Variants in TMEM123 observed in about 807,000 individuals in gnomAD.
TMEM123 encodes transmembrane protein 123.
TMEM123 carries 16 observed loss-of-function variants against 19.7 expected under a neutral mutation model. The ratio of observed to expected loss-of-function variants is 0.81; its 90% CI spans 0.55 to 1.23. The LOEUF is 1.23. TMEM123 is among the 50% of genes most tolerant of loss of function. TMEM123 has a pLI of 0.00. For synonymous variants in TMEM123, 118 were observed against 99.4 expected (o/e 1.19, Z -1.12); for missense variants, 313 against 257.8 (o/e 1.21, Z -1.47).
chr11:102,447,108 T>G (rs1401723243), intron 2 of TMEM123, among the ~76,000 whole-genome samples: 1 of 152,224 alleles, frequency 6.6e-6, no homozygotes, highest in African/African-American at 2.4e-5. Flanking sequence ...AAAAACATTT[T>G]TAATAGTTGT....
intron 2 of TMEM123, among the ~76,000 whole-genome samples, chr11:102,411,819 A>G (rs1028931829): frequency 8.5e-5 from 13 of 152,218 alleles, no homozygotes; most frequent in African/African-American, 2.9e-4. Flanking sequence ...TCATTCTATC[A>G]AAGTGTCAGA....
At chr11:102,452,305 G>T in intron 1 of TMEM123, 1 of 399,506 alleles carries the variant, frequency 2.5e-6, no homozygotes, top group Non-Finnish European at 4.4e-6. Flanking sequence ...AGCGAGAGGG[G>T]AAGCACCAGG....
At chr11:102,425,021 T>C (rs893249783) in intron 2 of TMEM123, among the ~76,000 whole-genome samples, 1 of 152,198 alleles carries the variant, frequency 6.6e-6, no homozygotes, top group Non-Finnish European at 1.5e-5. Context: ...GAAGCAAGAA[T>C]GAAGAATATC....
chr11:102,439,029 G>C (rs534038915), intron 2 of TMEM123, among the ~76,000 whole-genome samples: 98 of 152,324 alleles, frequency 6.4e-4, no homozygotes, highest in Middle Eastern at 6.8e-3. Flanking sequence ...AGGCCGCAGC[G>C]AGGCTGGGGG....
intron 2 of TMEM123, among the ~76,000 whole-genome samples, chr11:102,430,290 G>A (rs1457557045): frequency 2.0e-5 from 3 of 152,192 alleles, no homozygotes; most frequent in East Asian, 1.9e-4. Context: ...CATAGCATTC[G>A]CATATCCTTT....
At chr11:102,434,492 C>T (rs1486856942) in intron 2 of TMEM123, among the ~76,000 whole-genome samples, 3 of 151,770 alleles carry the variant, frequency 2.0e-5, no homozygotes, top group Admixed American at 1.3e-4. Flanking sequence ...TTAATACTAA[C>T]CCTTTAACAA....
At chr11:102,432,373 C>A (rs753401382) in intron 2 of TMEM123, among the ~76,000 whole-genome samples, 27 of 152,092 alleles carry the variant, frequency 1.8e-4, no homozygotes, top group Non-Finnish European at 2.9e-4. Flanking sequence ...ATTTGAGGAA[C>A]CTGTTGAGAA....
Position 102,401,682 on chromosome 11 carries a change from AGTT to A in TMEM123, c.456_458del (p.Thr153del), listed in dbSNP as rs1471429265. The A allele has an allele frequency of 3.1e-6, 5 of 1,590,344 alleles. No homozygotes were observed. The African/African-American group carries it at 4.1e-5, about 13-fold the overall frequency. ...ATCCTTTCTTTGCTTCAGAATGCAT[AGTT>A]GTTGTGACTAGAACAAAAGAAAACA... On this transcript the variant is annotated inframe_deletion, in exon 4 of 5. Transcript: ENST00000398136.
intron 2 of TMEM123, among the ~76,000 whole-genome samples, chr11:102,431,898 C>G (rs1252344788): frequency 6.6e-6 from 1 of 152,170 alleles, no homozygotes; most frequent in Non-Finnish European, 1.5e-5. Flanking sequence ...TTTTAAGCGT[C>G]TGGCATCTCC....
intron 2 of TMEM123, among the ~76,000 whole-genome samples, chr11:102,438,099 G>A (rs1013647034): frequency 6.6e-6 from 1 of 152,138 alleles, no homozygotes; most frequent in Non-Finnish European, 1.5e-5. Context: ...TGTCACCCAG[G>A]CTGGAGTGCA....
At chr11:102,409,231 C>T (rs1285600656) in intron 2 of TMEM123, among the ~76,000 whole-genome samples, 1 of 152,114 alleles carries the variant, frequency 6.6e-6, no homozygotes, top group East Asian at 1.9e-4. Context: ...CTATTCAAGA[C>T]ATAAACCATA....
At chr11:102,441,742 A>G (rs537754755) in intron 2 of TMEM123, among the ~76,000 whole-genome samples, 5 of 152,248 alleles carry the variant, frequency 3.3e-5, no homozygotes, top group African/African-American at 1.2e-4. Context: ...TCAAAAAAAA[A>G]AAAATCAATG....
chr11:102,448,783 ATTTG>A (rs750569150), intron 2 of TMEM123, 25 bp downstream of exon 2: 60 of 1,609,248 alleles, frequency 3.7e-5, no homozygotes, highest in Middle Eastern at 3.3e-4. Flanking sequence ...ACAAATGAAA[ATTTG>A]TTTTTTTAAT....
chr11:102,419,399 T>C (rs1216718595), intron 2 of TMEM123, among the ~76,000 whole-genome samples: 1 of 152,194 alleles, frequency 6.6e-6, no homozygotes, highest in Non-Finnish European at 1.5e-5. Context: ...ATTAATCCAA[T>C]GGTGTGAGGC....
At chr11:102,426,780 A>G (rs1006518033) in intron 2 of TMEM123, among the ~76,000 whole-genome samples, 4 of 151,296 alleles carry the variant, frequency 2.6e-5, no homozygotes, top group African/African-American at 9.7e-5. Context: ...GCTGCTGTTT[A>G]ACAATGAAAG....
chr11:102,421,789 T>C (rs1317853384), intron 2 of TMEM123, among the ~76,000 whole-genome samples: 3 of 152,206 alleles, frequency 2.0e-5, no homozygotes, highest in African/African-American at 4.8e-5. Flanking sequence ...ATTGAACATA[T>C]GCTGTGTGCA....
intron 2 of TMEM123, among the ~76,000 whole-genome samples, chr11:102,445,348 T>C (rs1857873838): frequency 6.6e-6 from 1 of 152,180 alleles, no homozygotes; most frequent in Non-Finnish European, 1.5e-5. Flanking sequence ...TCTGTGTATC[T>C]ATCACTGTTT....
intron 2 of TMEM123, among the ~76,000 whole-genome samples, chr11:102,434,842 G>C (rs958721216): frequency 6.6e-6 from 1 of 151,824 alleles, no homozygotes; most frequent in Non-Finnish European, 1.5e-5. Context: ...TCATTAAAGA[G>C]ACTATCCTTT....
intron 2 of TMEM123, among the ~76,000 whole-genome samples, chr11:102,444,764 CA>C (rs1179191683): frequency 6.6e-6 from 1 of 151,938 alleles, no homozygotes; most frequent in African/African-American, 2.4e-5. Context: ...GACTTGGAAC[CA>C]ACCCAAATGT....
Sources: gnomAD v4.1 joint callset for allele counts (sites outside exome capture counted in the v4.1 genomes callset) on GRCh38, gnomAD v4.1.1 for gene constraint, MANE v1.5 for transcripts, NCBI Gene and HGNC (gene_info 2026-07-23, HGNC 2026-07-21) for gene names.